Variants in SAMD12 observed in about 807,000 individuals in gnomAD.
SAMD12 encodes sterile alpha motif domain containing 12.
Under a neutral mutation model 15.0 loss-of-function variants are expected in SAMD12, and 9 were observed. That is an observed-to-expected ratio of 0.60 (90% CI 0.36 to 1.05). The LOEUF is 1.05. Among genes scored for constraint, SAMD12 ranks in the 50% least tolerant of loss-of-function variants. The probability of loss-of-function intolerance (pLI) is 0.01; values close to 1 mark genes in which losing one functional copy is unlikely to be tolerated. For synonymous variants in SAMD12, 86 were observed against 90.1 expected (o/e 0.96, Z 0.25); for missense variants, 230 against 234.2 (o/e 0.98, Z 0.12).
chr8:118,489,428 T>G (rs1032891347), intron 2 of SAMD12, among the ~76,000 whole-genome samples: 1 of 152,210 alleles, frequency 6.6e-6, no homozygotes, highest in African/African-American at 2.4e-5. Flanking sequence ...CATGAAGTTA[T>G]TCCCTTTGTA....
intron 4 of SAMD12, among the ~76,000 whole-genome samples, chr8:118,211,792 C>T (rs374825434): frequency 2.2e-4 from 33 of 152,014 alleles, no homozygotes; most frequent in Admixed American, 2.0e-3. Context: ...TGTTTGGTTT[C>T]GGGGGACTAC....
At chr8:118,141,527 C>T in the SAMD12 span, among the ~76,000 whole-genome samples, 1 of 152,114 alleles carries the variant, frequency 6.6e-6, no homozygotes, top group Admixed American at 6.6e-5. Flanking sequence ...GAGCCAATGC[C>T]CCATACACCA....
chr8:118,604,254 G>A (rs148240009), intron 1 of SAMD12, among the ~76,000 whole-genome samples: 495 of 152,244 alleles, frequency 3.3e-3, no homozygotes, highest in African/African-American at 0.011. Flanking sequence ...TGGTATACAA[G>A]TAAGCATTTA....
the SAMD12 span, among the ~76,000 whole-genome samples, chr8:118,158,797 T>A: frequency 6.6e-6 from 1 of 152,080 alleles, no homozygotes; most frequent in East Asian, 1.9e-4. Flanking sequence ...AATGATGGGA[T>A]GACTTACCTG....
At chr8:118,529,285 G>A (rs1273756208) in intron 2 of SAMD12, among the ~76,000 whole-genome samples, 1 of 152,198 alleles carries the variant, frequency 6.6e-6, no homozygotes, top group East Asian at 1.9e-4. Flanking sequence ...AAATCCACTT[G>A]GTGGGCTTTT....
At chr8:118,457,991 G>T (rs1823309934) in intron 2 of SAMD12, among the ~76,000 whole-genome samples, 1 of 152,150 alleles carries the variant, frequency 6.6e-6, no homozygotes, top group African/African-American at 2.4e-5. Flanking sequence ...TACTCACTTG[G>T]CTCTTGAATT....
the SAMD12 span, among the ~76,000 whole-genome samples, chr8:118,145,477 G>T: frequency 6.6e-6 from 1 of 152,144 alleles, no homozygotes; most frequent in Non-Finnish European, 1.5e-5. Flanking sequence ...TGTTTATTGA[G>T]ATCCTACTGT....
intron 4 of SAMD12, among the ~76,000 whole-genome samples, chr8:118,292,375 C>CACACACACACACACACAT (rs901976215): frequency 2.6e-5 from 4 of 151,398 alleles, no homozygotes; most frequent in Admixed American, 6.6e-5. Flanking sequence ...CACACACACA[C>CACACACACACACACACAT]ATATTCCGGA....
intron 4 of SAMD12, among the ~76,000 whole-genome samples, chr8:118,238,649 T>C (rs1812489628): frequency 1.3e-5 from 2 of 152,160 alleles, no homozygotes; most frequent in Non-Finnish European, 2.9e-5. Flanking sequence ...TAAATATTTT[T>C]GAACATCTAC....
chr8:118,178,458 T>G, the SAMD12 span, among the ~76,000 whole-genome samples: 1 of 152,304 alleles, frequency 6.6e-6, no homozygotes, highest in African/African-American at 2.4e-5. Context: ...ACTAGGTTTT[T>G]TTTAAATTAA....
chr8:118,559,124 C>T (rs187415194), intron 2 of SAMD12, among the ~76,000 whole-genome samples: 47 of 152,304 alleles, frequency 3.1e-4, no homozygotes, highest in African/African-American at 1.1e-3. Context: ...ACTAGCACAA[C>T]ACAAATTTAG....
rs77089355 is a variant in SAMD12, at chr8:118,415,683, T to C, written c.322+24149A>G. On this transcript the variant is annotated intron_variant, in intron 3 of 3. Transcript: ENST00000314727. Reference sequence around the variant, plus strand: ...TGAGGGTTTGAAAGAATTAGGAGATTTCCTTGTAGTCTATGGTCTTAAGTA... The same window carrying C: ...TGAGGGTTTGAAAGAATTAGGAGATCTCCTTGTAGTCTATGGTCTTAAGTA... Among the ~76,000 whole-genome samples the C allele has an allele frequency of 6.9e-3, 1,058 of 152,282 alleles. 5 individuals are homozygous for C. The highest frequency in any genetic ancestry group is 0.011 in the Non-Finnish European group (746 of 68,014).
intron 4 of SAMD12, among the ~76,000 whole-genome samples, chr8:118,218,877 G>T (rs531384065): frequency 6.6e-6 from 1 of 151,974 alleles, no homozygotes; most frequent in South Asian, 2.1e-4. Flanking sequence ...AGCACTTACC[G>T]TCTATTTTAG....
intron 3 of SAMD12, among the ~76,000 whole-genome samples, chr8:118,416,074 G>A (rs2130827796): frequency 6.6e-6 from 1 of 152,268 alleles, no homozygotes; most frequent in African/African-American, 2.4e-5. Flanking sequence ...GTTATAAAAG[G>A]AGAATAGGGT....
At chr8:118,409,990 T>C (rs1272209084) in intron 3 of SAMD12, among the ~76,000 whole-genome samples, 2 of 151,966 alleles carry the variant, frequency 1.3e-5, no homozygotes, top group Non-Finnish European at 2.9e-5. Context: ...AGTACACGTA[T>C]ATCTTTTTGG....
chr8:118,369,640 A>G (rs968389749), intron 4 of SAMD12, among the ~76,000 whole-genome samples: 8 of 151,924 alleles, frequency 5.3e-5, no homozygotes, highest in African/African-American at 1.9e-4. Flanking sequence ...GCTTGAACCT[A>G]GGAGGCGGAG....
intron 4 of SAMD12, among the ~76,000 whole-genome samples, chr8:118,238,020 C>G: frequency 6.6e-6 from 1 of 151,938 alleles, no homozygotes; most frequent in Non-Finnish European, 1.5e-5. Flanking sequence ...AAAAACAAAA[C>G]AAAACAAACA....
intron 3 of SAMD12, among the ~76,000 whole-genome samples, chr8:118,410,737 T>A (rs1409041596): frequency 6.6e-6 from 1 of 152,150 alleles, no homozygotes; most frequent in African/African-American, 2.4e-5. Flanking sequence ...CATTACAAGG[T>A]TCAGAAGAAT....
chr8:118,191,778 A>T (rs1469542199), exon 5 of SAMD12: 1 of 39,706 alleles, frequency 2.5e-5, no homozygotes, highest in Non-Finnish European at 4.8e-5. Context: ...ATATATATAT[A>T]TATATATATA....
Sources: allele counts gnomAD v4.1 joint callset (sites outside exome capture counted in the v4.1 genomes callset), GRCh38; gene constraint gnomAD v4.1.1; transcripts MANE v1.5; gene names NCBI Gene and HGNC (gene_info 2026-07-23, HGNC 2026-07-21).